ATP5F1A: variants seen among roughly 807,000 people sequenced by gnomAD.
ATP5F1A encodes ATP synthase F1 subunit alpha, also known as ATP synthase F(1) complex subunit alpha, mitochondrial.
Under a neutral mutation model 57.4 loss-of-function variants are expected in ATP5F1A, and 24 were observed. That is an observed-to-expected ratio of 0.42 (90% CI 0.30 to 0.59). The LOEUF (loss-of-function observed/expected upper bound fraction) is 0.59. Ranked by LOEUF, ATP5F1A falls within the 20% of genes least tolerant of loss-of-function variation. The probability of loss-of-function intolerance (pLI) is 0.19; values close to 1 mark genes in which losing one functional copy is unlikely to be tolerated. For missense variants in ATP5F1A, 494 were observed against 707.9 expected (o/e 0.70, Z 3.43); for synonymous variants, 251 against 255.5 (o/e 0.98, Z 0.17).
intron 2 of ATP5F1A, among the ~76,000 whole-genome samples, chr18:46,092,979 T>C (rs577701174): frequency 2.1e-4 from 32 of 151,096 alleles, no homozygotes; most frequent in Admixed American, 5.9e-4. Flanking sequence ...GAAACCCCCA[T>C]CTCTACTAAA....
intron 1 of ATP5F1A, among the ~76,000 whole-genome samples, chr18:46,103,913 CAA>C (rs5824616): frequency 7.2e-6 from 1 of 138,470 alleles, no homozygotes. Context: ...GACTCTGTCT[CAA>C]AAAAAAAAAA....
In ATP5F1A at chr18:46,083,984, C is replaced by CA. The variant is rs750591064; in HGVS notation, c.*297dup. 13,975 of 109,336 alleles carry CA rather than the reference C, an allele frequency of 0.13. 872 individuals carry two copies. The highest frequency in any genetic ancestry group is 0.31 in the East Asian group (1,566 of 5,124). The allele number at this position is 109,336 out of a possible 1,614,324, so 6.8% of individuals were successfully genotyped here. ...TCAGTGACAGAGTGAGAATCAGTCTCAAAAAAAAAAACAAAAAAAAAACTT... is the reference window on the plus strand; with the variant it reads ...TCAGTGACAGAGTGAGAATCAGTCTCAAAAAAAAAAAACAAAAAAAAAACTT... On this transcript the variant is annotated 3_prime_UTR_variant, in exon 12 of 12. Coordinates refer to ENST00000398752, the MANE Select transcript of ATP5F1A (RefSeq NM_004046.6).
At chr18:46,103,332 G>A (rs1247062795) in intron 1 of ATP5F1A, among the ~76,000 whole-genome samples, 1 of 151,538 alleles carries the variant, frequency 6.6e-6, no homozygotes, top group Non-Finnish European at 1.5e-5. Flanking sequence ...AAAAGGTCGG[G>A]CGCAGTGCCT....
At chr18:46,091,511 A>C (rs1445265925) in intron 3 of ATP5F1A, among the ~76,000 whole-genome samples, 171 bp downstream of exon 3, 3 of 152,312 alleles carry the variant, frequency 2.0e-5, no homozygotes, top group Admixed American at 6.5e-5. Flanking sequence ...AAACTTGGCT[A>C]ATTCAAACCC....
chr18:46,103,290 G>A (rs1320401423), upstream of ATP5F1A, among the ~76,000 whole-genome samples: 2 of 151,306 alleles, frequency 1.3e-5, no homozygotes, highest in East Asian at 1.9e-4. Flanking sequence ...CAGCCTAAGC[G>A]ACAGAGAAAC....
At chr18:46,086,825 A>G in intron 8 of ATP5F1A, 183 bp downstream of exon 8, 2 of 668,502 alleles carry the variant, frequency 3.0e-6, no homozygotes, top group Non-Finnish European at 2.5e-6. Context: ...CTATGCAATA[A>G]CTGGGTGACA....
rs902840913 is a variant in ATP5F1A at position 46,082,342 on chromosome 18, A to G, written c.*1940T>C. The G allele has an allele frequency of 1.1e-4, 17 of 149,122 alleles. No individual in the cohort carries two copies. Among genetic ancestry groups the G allele is most frequent in the Admixed American group, 2.0e-4 (3 of 14,788 alleles). The allele number at this position is 149,122 out of a possible 1,614,324, so 9.2% of individuals were successfully genotyped here. A position where few individuals can be genotyped will look rare whatever the true frequency, so the allele number is the denominator to read the frequency against. ...GGGGCAGAGCTTGCAGTGAGCCGACATCGCACCACTGCACTCCAGCCTGGG... is the reference window on the plus strand; with the variant it reads ...GGGGCAGAGCTTGCAGTGAGCCGACGTCGCACCACTGCACTCCAGCCTGGG... On this transcript the variant is annotated 3_prime_UTR_variant, in exon 12 of 12. Coordinates refer to ENST00000398752, the MANE Select transcript of ATP5F1A (RefSeq NM_004046.6).
At chr18:46,086,543 A>G in intron 8 of ATP5F1A, 49 bp from the exon 9 acceptor site, 2 of 1,525,052 alleles carry the variant, frequency 1.3e-6, no homozygotes, top group East Asian at 2.3e-5. Context: ...GTAAGAAATC[A>G]ACTATCTTCA....
chr18:46,084,138 G>A lies in ATP5F1A; in HGVS notation c.*144C>T. On this transcript the variant is annotated 3_prime_UTR_variant, in exon 12 of 12. Transcript: ENST00000398752. The stretch of plus-strand genomic sequence containing the variant: ...GTTTTAAAGAATAACACAAATGACA[G>A]AAAACAACTATGCATTATGGAACCT... The A allele has an allele frequency of 1.6e-6, 1 of 629,232 alleles. No individual in the cohort carries two copies. Among genetic ancestry groups the A allele is most frequent in the Non-Finnish European group, 2.6e-6 (1 of 391,378 alleles). 39.0% of individuals were successfully genotyped at this position (629,232 alleles called of 1,614,324 possible). A position where few individuals can be genotyped will look rare whatever the true frequency, so the allele number is the denominator to read the frequency against.
Position 46,081,556 on chromosome 18 carries a change from C to G in ATP5F1A, c.*2726G>C, listed in dbSNP as rs1454355069. ...GTGCATGCCTGTAATCCCAGCTACT[C>G]AGGAGCCTGAGGCAGGAGAATTGCT... On this transcript the variant is annotated 3_prime_UTR_variant, in exon 12 of 12. Transcript: ENST00000398752. 6.6e-6 allele frequency: 1 copy of G among 150,410 alleles called. No homozygotes were observed. The highest frequency in any genetic ancestry group is 1.5e-5 in the Non-Finnish European group (1 of 67,914). The allele number at this position is 150,410 out of a possible 1,614,324, so 9.3% of individuals were successfully genotyped here.
At chr18:46,100,251 T>TA (rs34683117), upstream of ATP5F1A, among the ~76,000 whole-genome samples, 21,692 of 68,424 alleles carry the variant, frequency 0.32, 3,450 homozygotes, top group South Asian at 0.44. Context: ...AAACTCCATC[T>TA]AAAAAAAAAA....
intron 1 of ATP5F1A, among the ~76,000 whole-genome samples, chr18:46,096,995 A>C (rs1219508760): frequency 2.6e-5 from 4 of 151,546 alleles, no homozygotes; most frequent in South Asian, 2.1e-4. Flanking sequence ...AAAAAAAAAA[A>C]AAAAAAAAAA....
At chr18:46,100,810 C>T (rs138384359), upstream of ATP5F1A, among the ~76,000 whole-genome samples, 17 of 152,258 alleles carry the variant, frequency 1.1e-4, no homozygotes, top group African/African-American at 4.1e-4. Context: ...CGGTGGCTCA[C>T]GCCTGTAATC....
Position 46,094,891 on chromosome 18 carries a change from A to C in ATP5F1A, c.139+162T>G, listed in dbSNP as rs1599787211. 21 of 1,126,238 alleles carry C rather than the reference A, an allele frequency of 1.9e-5. No homozygotes were observed. In the East Asian group the frequency reaches 6.1e-4, roughly 32 times the overall value. 69.8% of individuals were successfully genotyped at this position (1,126,238 alleles called of 1,614,324 possible). A position where few individuals can be genotyped will look rare whatever the true frequency, so the allele number is the denominator to read the frequency against. ...TTCATTTGACTATAACAAGAGAACC[A>C]TGACAGGGCTAAATGGTAACAATAT... On this transcript the variant is annotated intron_variant, in intron 2 of 11. Coordinates refer to ENST00000398752, the MANE Select transcript of ATP5F1A (RefSeq NM_004046.6).
At position 46,081,683 on chromosome 18, in the gene ATP5F1A, A is replaced by AAAAAAAAAAAAAAAAG. The variant is rs1909756046; in HGVS notation, c.*2598_*2599insCTTTTTTTTTTTTTTT. 1.5e-5 allele frequency: 1 copy of AAAAAAAAAAAAAAAAG among 66,960 alleles called. No homozygotes were observed. Among genetic ancestry groups the AAAAAAAAAAAAAAAAG allele is most frequent in the Non-Finnish European group, 3.6e-5 (1 of 27,568 alleles). The allele number at this position is 66,960 out of a possible 1,614,324, so 4.1% of individuals were successfully genotyped here. ...CTCAAAAAAAAAAAACAAAAAAAAA[A>AAAAAAAAAAAAAAAAG]AAAAAAAAAAAAAACGAAATGTGCA... On this transcript the variant is annotated 3_prime_UTR_variant, in exon 12 of 12. Coordinates refer to ENST00000398752, the MANE Select transcript of ATP5F1A (RefSeq NM_004046.6).
Position 46,084,348 on chromosome 18 carries a change from G to T in ATP5F1A, c.1596C>A (p.Ile532=). ...TCAGCTTTGCATCTGATTGTTCTGA[G>T]ATCTTTCCATCAGCCCTATTTGGAA... is the stretch of plus-strand genomic sequence containing the variant. ...LLGTIRADGK[I]SEQSDAKLKE... Residue 532 remains isoleucine, a synonymous_variant, in exon 12 of 12, where the codon ATC becomes ATA. Transcript: ENST00000398752. 1 of 1,613,286 alleles carries T rather than the reference G, an allele frequency of 6.2e-7. No individual in the cohort carries two copies. The highest frequency in any genetic ancestry group is 8.5e-7 in the Non-Finnish European group (1 of 1,179,870).
chr18:46,089,387 G>A (rs1039370792), intron 5 of ATP5F1A, 179 bp downstream of exon 5: 2 of 705,250 alleles, frequency 2.8e-6, no homozygotes, highest in South Asian at 2.0e-5. Flanking sequence ...CCCACCTGAT[G>A]AGAAATACCC....
Position 46,081,673 on chromosome 18 carries a change from C to CAAAAAAAAAAAAAA in ATP5F1A, c.*2595_*2608dup, listed in dbSNP as rs1159742250. On this transcript the variant is annotated 3_prime_UTR_variant, in exon 12 of 12. Transcript: ENST00000398752. ...GAGCAAAACTCTCAAAAAAAAAAAA[C>CAAAAAAAAAAAAAA]AAAAAAAAAAAAAAAAAAAAAAAAC... 460 of 75,242 alleles carry CAAAAAAAAAAAAAA rather than the reference C, an allele frequency of 6.1e-3. No individual in the cohort carries two copies. The highest frequency in any genetic ancestry group is 9.0e-3 in the East Asian group (23 of 2,562). The allele number at this position is 75,242 out of a possible 1,614,324, so 4.7% of individuals were successfully genotyped here.
upstream of ATP5F1A, among the ~76,000 whole-genome samples, chr18:46,098,663 C>T (rs991447531): frequency 6.6e-6 from 1 of 151,994 alleles, no homozygotes; most frequent in Non-Finnish European, 1.5e-5. Context: ...TTAATAGTGT[C>T]GGTAGTGTTA....
Sources: allele counts gnomAD v4.1 joint callset (sites outside exome capture counted in the v4.1 genomes callset), GRCh38; gene constraint gnomAD v4.1.1; transcripts MANE v1.5; gene names NCBI Gene and HGNC (gene_info 2026-07-23, HGNC 2026-07-21).